QTMAN: variants seen among roughly 807,000 people sequenced by gnomAD.
The protein encoded by QTMAN is queuosine-tRNA mannosyltransferase, also known as tRNA-queuosine alpha-mannosyltransferase.
chr2:144,121,264 A>G, the QTMAN span, among the ~76,000 whole-genome samples: 4 of 152,146 alleles, frequency 2.6e-5, no homozygotes, highest in Non-Finnish European at 5.9e-5. Flanking sequence ...ACCCTCGCAC[A>G]GTATGCAGTT....
At chr2:144,303,766 C>G in the QTMAN span, among the ~76,000 whole-genome samples, 1 of 152,130 alleles carries the variant, frequency 6.6e-6, no homozygotes, top group African/African-American at 2.4e-5. Context: ...ACATACAAAA[C>G]AATCATTTTC....
chr2:144,305,905 C>T, the QTMAN span, among the ~76,000 whole-genome samples: 1 of 152,078 alleles, frequency 6.6e-6, no homozygotes, highest in African/African-American at 2.4e-5. Context: ...GCTATTATAC[C>T]TTGCAAGCTT....
the QTMAN span, among the ~76,000 whole-genome samples, chr2:144,298,144 G>A: frequency 4.9e-4 from 73 of 149,958 alleles, no homozygotes; most frequent in African/African-American, 1.7e-3. Flanking sequence ...TCAGCCTCCC[G>A]AGTAGCTGGG....
the QTMAN span, among the ~76,000 whole-genome samples, chr2:144,291,705 T>C: frequency 6.6e-6 from 1 of 152,212 alleles, no homozygotes; most frequent in Non-Finnish European, 1.5e-5. Flanking sequence ...TTTGAAATAA[T>C]GCATTCTTAT....
chr2:144,102,636 A>G, the QTMAN span, among the ~76,000 whole-genome samples: 3 of 152,166 alleles, frequency 2.0e-5, no homozygotes, highest in Non-Finnish European at 4.4e-5. Context: ...ACAGCAGCAC[A>G]TTCATTTTAA....
chr2:144,179,246 G>A, the QTMAN span, among the ~76,000 whole-genome samples: 1 of 152,124 alleles, frequency 6.6e-6, no homozygotes, highest in Non-Finnish European at 1.5e-5. Context: ...CAGTAGAGTA[G>A]AAGGAGCATA....
chr2:144,238,559 A>G, the QTMAN span, among the ~76,000 whole-genome samples: 1 of 152,036 alleles, frequency 6.6e-6, no homozygotes, highest in Non-Finnish European at 1.5e-5. Flanking sequence ...GTCTCATAAC[A>G]CTTTCATTCC....
chr2:144,133,566 TAATAAA>T, the QTMAN span, among the ~76,000 whole-genome samples: 1 of 119,236 alleles, frequency 8.4e-6, no homozygotes, highest in African/African-American at 3.2e-5. Context: ...ATAAATATTA[TAATAAA>T]AATAAATATA....
chr2:144,097,698 T>C, the QTMAN span, among the ~76,000 whole-genome samples: 1 of 152,308 alleles, frequency 6.6e-6, no homozygotes, highest in East Asian at 1.9e-4. Context: ...CTCTCCCCAC[T>C]GCCCCCAGCT....
chr2:144,076,234 G>A, the QTMAN span, among the ~76,000 whole-genome samples: 1 of 152,138 alleles, frequency 6.6e-6, no homozygotes, highest in Non-Finnish European at 1.5e-5. Context: ...GCAACAGAGT[G>A]AGACTCCACC....
At chr2:143,942,424 C>T in the QTMAN span, 1 of 167,462 alleles carries the variant, frequency 6.0e-6, no homozygotes, top group African/African-American at 2.4e-5. Context: ...AGCACAAAGA[C>T]CACGATTCGC....
At chr2:144,206,312 A>AT in the QTMAN span, among the ~76,000 whole-genome samples, 1 of 152,120 alleles carries the variant, frequency 6.6e-6, no homozygotes, top group African/African-American at 2.4e-5. Flanking sequence ...GAAAGCAAAA[A>AT]TTTTTCATAT....
the QTMAN span, among the ~76,000 whole-genome samples, chr2:144,329,889 A>G: frequency 6.6e-6 from 1 of 152,230 alleles, no homozygotes; most frequent in Non-Finnish European, 1.5e-5. Flanking sequence ...TACCCACTAC[A>G]CATGATAACA....
At chr2:144,007,880 G>A in the QTMAN span, among the ~76,000 whole-genome samples, 14 of 151,978 alleles carry the variant, frequency 9.2e-5, no homozygotes, top group South Asian at 2.1e-4. Flanking sequence ...ACATGGCCCA[G>A]TGCTTATTTT....
the QTMAN span, among the ~76,000 whole-genome samples, chr2:144,074,058 G>A: frequency 2.0e-5 from 3 of 152,138 alleles, no homozygotes; most frequent in African/African-American, 4.8e-5. Flanking sequence ...TAGCAATAAA[G>A]AGAACATGCT....
the QTMAN span, among the ~76,000 whole-genome samples, chr2:143,992,607 G>T: frequency 7.9e-5 from 12 of 152,076 alleles, no homozygotes; most frequent in Admixed American, 3.9e-4. Flanking sequence ...AGAGACTATA[G>T]TCTCAACCTA....
chr2:144,202,948 A>C, the QTMAN span, among the ~76,000 whole-genome samples: 2 of 152,224 alleles, frequency 1.3e-5, no homozygotes, highest in African/African-American at 2.4e-5. Flanking sequence ...TACTAACTAC[A>C]CAAACACTTT....
chr2:144,290,326 T>C, the QTMAN span, among the ~76,000 whole-genome samples: 15 of 152,320 alleles, frequency 9.8e-5, no homozygotes, highest in Admixed American at 2.0e-4. Context: ...CCCAATGTTC[T>C]ACTAATAACA....
At chr2:144,062,848 A>T in the QTMAN span, among the ~76,000 whole-genome samples, 1 of 152,202 alleles carries the variant, frequency 6.6e-6, no homozygotes, top group East Asian at 1.9e-4. Flanking sequence ...TACTCTTAAT[A>T]ACAGAATCTC....
Sources: gnomAD v4.1 joint callset for allele counts (sites outside exome capture counted in the v4.1 genomes callset) on GRCh38, gnomAD v4.1.1 for gene constraint, MANE v1.5 for transcripts, NCBI Gene and HGNC (gene_info 2026-07-23, HGNC 2026-07-21) for gene names.